The following YIPF4 variants were observed in gnomAD, a reference collection of about 807,000 sequenced individuals.
The protein encoded by YIPF4 is Yip1 domain family member 4.
In YIPF4, 18 loss-of-function variants were observed where a neutral mutation model predicts 29.4. The observed-to-expected ratio is 0.61, with a 90% CI of 0.42 to 0.91. The LOEUF (loss-of-function observed/expected upper bound fraction) is 0.91. YIPF4 is among the 40% of genes least tolerant of loss of function. The probability of loss-of-function intolerance (pLI) is 0.00; values close to 1 mark genes in which losing one functional copy is unlikely to be tolerated. For synonymous variants in YIPF4, 115 were observed against 104.7 expected, an observed-to-expected ratio of 1.10 and a Z score of -0.60; for missense variants, 279 against 282.7, an observed-to-expected ratio of 0.99 and a Z score of 0.09.
chr2:32,290,358 A>C, intron 1 of YIPF4, 125 bp from the exon 2 acceptor site: 1 of 568,126 alleles, frequency 1.8e-6, no homozygotes, highest in Non-Finnish European at 2.7e-6. Context: ...TGAAGATTAT[A>C]TGCAATAGCA....
At chr2:32,298,360 GT>G in intron 4 of YIPF4, 49 bp downstream of exon 4, 2 of 1,408,872 alleles carry the variant, frequency 1.4e-6, no homozygotes, top group Non-Finnish European at 1.0e-6. Flanking sequence ...GGTGAGCTTA[GT>G]TTTTGATACT....
At position 32,305,746 on chromosome 2, in the gene YIPF4, G is replaced by T; in HGVS notation, c.*120G>T. On this transcript the variant is annotated 3_prime_UTR_variant, in exon 6 of 6. Transcript: ENST00000238831. ...AATTTTACATGTTCCAGATGGAAAGGGAAGTCTAAGCGCTTTTTAAAACAA... is the reference window on the plus strand; with the variant it reads ...AATTTTACATGTTCCAGATGGAAAGTGAAGTCTAAGCGCTTTTTAAAACAA... 7.8e-7 allele frequency: 1 copy of T among 1,284,634 alleles called. No individual in the cohort carries two copies. The highest frequency in any genetic ancestry group is 9.8e-7 in the Non-Finnish European group (1 of 1,015,816). The allele number at this position is 1,284,634 out of a possible 1,614,324, so 79.6% of individuals were successfully genotyped here. A position where few individuals can be genotyped will look rare whatever the true frequency, so the allele number is the denominator to read the frequency against.
intron 5 of YIPF4, among the ~76,000 whole-genome samples, chr2:32,302,400 T>G (rs2031437082): frequency 1.3e-5 from 2 of 152,090 alleles, no homozygotes; most frequent in Non-Finnish European, 2.9e-5. Context: ...TCTGACAGAT[T>G]TTGAGGGGGA....
chr2:32,309,830 C>T lies in YIPF4; in HGVS notation c.*4204C>T, dbSNP rs4952260. 0.07 allele frequency: 10,634 copies of T among 151,584 alleles called. 494 individuals are homozygous for T. The highest frequency in any genetic ancestry group is 0.15 in the Admixed American group (2,231 of 15,194). The allele number at this position is 151,584 out of a possible 1,614,324, so 9.4% of individuals were successfully genotyped here. On this transcript the variant is annotated 3_prime_UTR_variant, in exon 6 of 6. Transcript: ENST00000238831. ...CAGCCTCCCTAATAGCTAGGATTAC[C>T]GGTGCCCGCCACCACGCCCAGCTAA...
At chr2:32,301,696 TG>T (rs1448452424) in intron 5 of YIPF4, among the ~76,000 whole-genome samples, 1 of 152,202 alleles carries the variant, frequency 6.6e-6, no homozygotes, top group Non-Finnish European at 1.5e-5. Context: ...ACTGTTTGTC[TG>T]GGGGAAAAAA....
At position 32,315,981 on chromosome 2, in the gene YIPF4, G is replaced by A. The variant is rs548797196; in HGVS notation, c.*10355G>A. The A allele has an allele frequency of 3.0e-5, 4 of 133,276 alleles. No individual in the cohort carries two copies. Among genetic ancestry groups the A allele is most frequent in the South Asian group, 2.2e-4 (1 of 4,450 alleles). The allele number at this position is 133,276 out of a possible 1,614,324, so 8.3% of individuals were successfully genotyped here. On this transcript the variant is annotated 3_prime_UTR_variant, in exon 6 of 6. Transcript: ENST00000238831. ...GCATAGCTTGAGCCCAGGCGTTCAA[G>A]ACCTGCCTGGGCAATATAGCGAGAC...
At chr2:32,299,622 A>G (rs1159023843) in intron 4 of YIPF4, among the ~76,000 whole-genome samples, 1 of 150,008 alleles carries the variant, frequency 6.7e-6, no homozygotes, top group Non-Finnish European at 1.5e-5. Context: ...AGGAGTTCCA[A>G]TACCAGCCTG....
intron 3 of YIPF4, among the ~76,000 whole-genome samples, chr2:32,293,766 C>T (rs1448084383): frequency 6.8e-5 from 10 of 147,390 alleles, no homozygotes. Flanking sequence ...GGCAGAGGGG[C>T]TCCTCACTTC....
chr2:32,287,402 A>G (rs889722162), intron 1 of YIPF4, among the ~76,000 whole-genome samples: 1 of 152,182 alleles, frequency 6.6e-6, no homozygotes, highest in African/African-American at 2.4e-5. Flanking sequence ...CTGAGATGAG[A>G]TGAAACGAGA....
chr2:32,293,800 G>A (rs1308272580), intron 3 of YIPF4, among the ~76,000 whole-genome samples: 1 of 150,274 alleles, frequency 6.7e-6, no homozygotes, highest in African/African-American at 2.4e-5. Context: ...CTGGGCAGAG[G>A]CGCCCCTCAC....
intron 1 of YIPF4, among the ~76,000 whole-genome samples, chr2:32,281,179 A>G (rs2030394548): frequency 6.6e-6 from 1 of 152,018 alleles, no homozygotes; most frequent in African/African-American, 2.4e-5. Flanking sequence ...ATATCCTCAC[A>G]CAATATTATA....
intron 1 of YIPF4, among the ~76,000 whole-genome samples, chr2:32,283,231 T>C (rs186061684): frequency 6.6e-6 from 1 of 152,338 alleles, no homozygotes; most frequent in African/African-American, 2.4e-5. Flanking sequence ...TTTTTTTTTA[T>C]TGTTTTCCAA....
intron 3 of YIPF4, among the ~76,000 whole-genome samples, chr2:32,296,372 T>G (rs184398415): frequency 1.5e-3 from 221 of 151,212 alleles, no homozygotes; most frequent in African/African-American, 4.6e-3. Flanking sequence ...CTCAGGAGGC[T>G]GAGGCAGAGA....
intron 4 of YIPF4, among the ~76,000 whole-genome samples, chr2:32,299,717 C>T (rs1179249170): frequency 2.0e-5 from 3 of 152,140 alleles, no homozygotes; most frequent in African/African-American, 4.8e-5. Context: ...GGGACTGAGG[C>T]AGGAGACTTG....
chr2:32,294,787 G>C (rs891028400), intron 3 of YIPF4, among the ~76,000 whole-genome samples: 25 of 152,354 alleles, frequency 1.6e-4, no homozygotes, highest in Admixed American at 4.6e-4. Context: ...ATTGAGCACT[G>C]AGTGAACCAG....
chr2:32,302,053 CAG>C (rs2031424389), intron 5 of YIPF4, among the ~76,000 whole-genome samples: 1 of 134,972 alleles, frequency 7.4e-6, no homozygotes. Context: ...TTTTTTGAGA[CAG>C]AGTCTTGCTC....
intron 3 of YIPF4, 50 bp downstream of exon 3, chr2:32,292,398 A>T: frequency 7.6e-7 from 1 of 1,309,306 alleles, no homozygotes; most frequent in Non-Finnish European, 1.0e-6. Context: ...AGAGTTTCAA[A>T]AATTAAATAT....
chr2:32,299,767 G>A (rs1573540339), intron 4 of YIPF4, among the ~76,000 whole-genome samples: 1 of 152,104 alleles, frequency 6.6e-6, no homozygotes, highest in Non-Finnish European at 1.5e-5. Context: ...AGCTGTGTTC[G>A]TGCCACTGCA....
intron 1 of YIPF4, among the ~76,000 whole-genome samples, chr2:32,287,779 C>T (rs1243065359): frequency 6.6e-6 from 1 of 152,168 alleles, no homozygotes; most frequent in Non-Finnish European, 1.5e-5. Context: ...TGAGCCAAAA[C>T]AGCTGTAGAA....
Sources: gnomAD v4.1 joint callset for allele counts (sites outside exome capture counted in the v4.1 genomes callset) on GRCh38, gnomAD v4.1.1 for gene constraint, MANE v1.5 for transcripts, NCBI Gene and HGNC (gene_info 2026-07-23, HGNC 2026-07-21) for gene names.